Variants in TMEM114 observed in about 807,000 individuals in gnomAD.
TMEM114 encodes transmembrane protein 114, also known as claudin-26.
TMEM114 carries 6 observed loss-of-function variants against 6.2 expected under a neutral mutation model. The observed-to-expected ratio is 0.97, with a 90% CI of 0.53 to 1.91. TMEM114 has a LOEUF of 1.91. Among genes scored for constraint, TMEM114 ranks in the 40% most tolerant of loss-of-function variants. The pLI is 0.01. For missense variants in TMEM114, 218 were observed against 158.3 expected, an observed-to-expected ratio of 1.38 and a Z score of -2.02; for synonymous variants, 104 against 73.0, an observed-to-expected ratio of 1.42 and a Z score of -2.16.
downstream of TMEM114, among the ~76,000 whole-genome samples, chr16:8,532,961 T>A (rs1163089635): frequency 6.6e-6 from 1 of 152,148 alleles, no homozygotes; most frequent in Non-Finnish European, 1.5e-5. Context: ...AAATATTCAT[T>A]CATTCAACAG....
chr16:8,532,739 A>T (rs953241567), downstream of TMEM114, among the ~76,000 whole-genome samples: 1 of 152,132 alleles, frequency 6.6e-6, no homozygotes, highest in African/African-American at 2.4e-5. Flanking sequence ...CCTGGCTAAC[A>T]TGGTGAAACC....
intron 2 of TMEM114, among the ~76,000 whole-genome samples, chr16:8,543,337 C>G (rs968731057): frequency 1.3e-5 from 2 of 152,170 alleles, no homozygotes; most frequent in Non-Finnish European, 2.9e-5. Flanking sequence ...AGACCAAGGT[C>G]CTTTGGTGTC....
intron 2 of TMEM114, among the ~76,000 whole-genome samples, chr16:8,578,242 C>A (rs915392873): frequency 6.6e-6 from 1 of 152,232 alleles, no homozygotes; most frequent in East Asian, 1.9e-4. Context: ...GGAATTTAGT[C>A]TCTTACAGTT....
In TMEM114 at chr16:8,562,836, G is replaced by C. The variant is rs1324310690; in HGVS notation, n.213-25010C>G. 4.0e-5 allele frequency among the ~76,000 whole-genome samples: 6 copies of C among 151,184 alleles called. No individual in the cohort carries two copies. The South Asian group carries it at 1.3e-3, about 31-fold the overall frequency. On this transcript the variant is annotated intron_variant and non_coding_transcript_variant, in intron 2 of 2. Coordinates refer to the TMEM114 transcript ENST00000623677. The stretch of plus-strand genomic sequence containing the variant: ...AATGAGTGAGGGAGGGAGGGAATGA[G>C]TGAGTGAATAAGTGAGTGAGTGAAT...
At chr16:8,553,662 T>C (rs1900914835) in intron 2 of TMEM114, among the ~76,000 whole-genome samples, 2 of 152,092 alleles carry the variant, frequency 1.3e-5, no homozygotes, top group Admixed American at 1.3e-4. Context: ...TTTGTATTTT[T>C]AGTAGAGATG....
intron 2 of TMEM114, among the ~76,000 whole-genome samples, chr16:8,559,511 G>C (rs1199796484): frequency 1.3e-5 from 2 of 152,186 alleles, no homozygotes; most frequent in Non-Finnish European, 2.9e-5. Flanking sequence ...CAATCCAGTG[G>C]GTGCAGGAGG....
downstream of TMEM114, among the ~76,000 whole-genome samples, chr16:8,537,366 T>C (rs935030152): frequency 2.6e-5 from 4 of 152,110 alleles, no homozygotes; most frequent in African/African-American, 9.7e-5. Context: ...CCAAGCGCGA[T>C]GGCACACGCC....
In TMEM114 at chr16:8,561,338, C is replaced by T. The variant is rs554368946; in HGVS notation, n.213-23512G>A. 1.1e-4 allele frequency among the ~76,000 whole-genome samples: 17 copies of T among 152,316 alleles called. 1 individual carries two copies. The South Asian group carries it at 2.1e-3, about 19-fold the overall frequency. ...AGACTGGACAGGACATTATTTTCAT[C>T]GTACAACACACTCTTCCCTGCCACC... On this transcript the variant is annotated intron_variant and non_coding_transcript_variant, in intron 2 of 2. Coordinates refer to the TMEM114 transcript ENST00000623677.
At chr16:8,550,481 G>C (rs988990642) in intron 2 of TMEM114, among the ~76,000 whole-genome samples, 2 of 152,064 alleles carry the variant, frequency 1.3e-5, no homozygotes, top group African/African-American at 2.4e-5. Context: ...GAGTTTGAGA[G>C]CAGCCTGACC....
At position 8,552,198 on chromosome 16, in the gene TMEM114, G is replaced by C. The variant is rs111438132; in HGVS notation, n.213-14372C>G. On this transcript the variant is annotated intron_variant and non_coding_transcript_variant, in intron 2 of 2. Transcript: ENST00000623677. ...GAGACCAGCCTGGGCAACACAGCAAGACCCTATCTCTGCAAAAAAAAAAAA... is the reference window on the plus strand; with the variant it reads ...GAGACCAGCCTGGGCAACACAGCAACACCCTATCTCTGCAAAAAAAAAAAA... Among the ~76,000 whole-genome samples, 301 of 149,614 alleles carry C rather than the reference G, an allele frequency of 2.0e-3. 2 individuals are homozygous for C. The highest frequency in any genetic ancestry group is 7.1e-3 in the African/African-American group (286 of 40,560).
At chr16:8,576,754 GGAAGGAAGGAAGGAAAT>G (rs1567208951) in intron 2 of TMEM114, among the ~76,000 whole-genome samples, 6 of 132,344 alleles carry the variant, frequency 4.5e-5, no homozygotes, top group African/African-American at 1.8e-4. Flanking sequence ...AAGGAAGGAA[GGAAGGAAGGAAGGAAAT>G]TGAGCATTTA....
intron 2 of TMEM114, among the ~76,000 whole-genome samples, chr16:8,548,641 A>T (rs1015891027): frequency 1.3e-5 from 2 of 150,136 alleles, no homozygotes; most frequent in Non-Finnish European, 3.0e-5. Context: ...GAAATCTTAT[A>T]TGCATTTTTT....
chr16:8,574,210 C>T (rs1182221210), intron 2 of TMEM114, among the ~76,000 whole-genome samples: 1 of 152,148 alleles, frequency 6.6e-6, no homozygotes, highest in Non-Finnish European at 1.5e-5. Flanking sequence ...TCAGAACCTC[C>T]ATTTCCACTT....
At chr16:8,554,291 C>G (rs1900937826) in intron 2 of TMEM114, among the ~76,000 whole-genome samples, 1 of 152,182 alleles carries the variant, frequency 6.6e-6, no homozygotes, top group South Asian at 2.1e-4. Flanking sequence ...CAGAGTGGCT[C>G]AAGCCTGCAA....
chr16:8,582,604 A>G (rs1596314100), intron 2 of TMEM114, among the ~76,000 whole-genome samples: 2 of 152,314 alleles, frequency 1.3e-5, no homozygotes, highest in East Asian at 3.9e-4. Flanking sequence ...CAAACTGCTG[A>G]GTAGGCTGGG....
chr16:8,539,450 C>G (rs757226312), intron 2 of TMEM114, among the ~76,000 whole-genome samples: 1 of 152,198 alleles, frequency 6.6e-6, no homozygotes, highest in African/African-American at 2.4e-5. Flanking sequence ...TCATCAGACC[C>G]AGAGGAGGGC....
intron 2 of TMEM114, among the ~76,000 whole-genome samples, chr16:8,540,121 G>C (rs1255426415): frequency 6.6e-6 from 1 of 152,114 alleles, no homozygotes; most frequent in Non-Finnish European, 1.5e-5. Context: ...GCTGTGCCGG[G>C]CCACAAATAT....
chr16:8,566,544 T>C (rs1005023987), downstream of TMEM114, among the ~76,000 whole-genome samples: 3 of 151,480 alleles, frequency 2.0e-5, no homozygotes, highest in African/African-American at 7.3e-5. Flanking sequence ...CAGATCAGAA[T>C]GGATCAGGAT....
chr16:8,552,292 G>A (rs561316937), intron 2 of TMEM114, among the ~76,000 whole-genome samples: 155 of 152,128 alleles, frequency 1.0e-3, no homozygotes, highest in African/African-American at 3.6e-3. Flanking sequence ...GCTAAGGTGG[G>A]AGCATCACTT....
Sources: gnomAD v4.1 joint callset for allele counts (sites outside exome capture counted in the v4.1 genomes callset) on GRCh38, gnomAD v4.1.1 for gene constraint, MANE v1.5 for transcripts, NCBI Gene and HGNC (gene_info 2026-07-23, HGNC 2026-07-21) for gene names.